Variants in PARVB observed in about 807,000 individuals in gnomAD.
PARVB encodes parvin beta, also known as beta-parvin.
Under a neutral mutation model 47.0 loss-of-function variants are expected in PARVB, and 46 were observed. That is an observed-to-expected ratio of 0.98 (90% confidence interval 0.77 to 1.25). The LOEUF is 1.25. Among genes scored for constraint, PARVB ranks in the 50% most tolerant of loss-of-function variants. The probability of loss-of-function intolerance (pLI) is 0.00; values close to 1 mark genes in which losing one functional copy is unlikely to be tolerated. For synonymous variants in PARVB, 196 were observed against 196.3 expected (o/e 1.00, Z 0.01); for missense variants, 473 against 471.6 (o/e 1.00, Z -0.03).
chr22:44,019,126 A>G (rs1161667329), intron 2 of PARVB, among the ~76,000 whole-genome samples: 1 of 152,134 alleles, frequency 6.6e-6, no homozygotes, highest in Non-Finnish European at 1.5e-5. Flanking sequence ...CATGTTGGCC[A>G]GGCTGGTCTC....
At chr22:44,102,409 T>G (rs1029699739) in intron 3 of PARVB, among the ~76,000 whole-genome samples, 1 of 152,216 alleles carries the variant, frequency 6.6e-6, no homozygotes, top group Admixed American at 6.5e-5. Context: ...AACCATCCCA[T>G]GCACCTTTCT....
At chr22:44,136,548 G>A in intron 7 of PARVB, 30 bp downstream of exon 7, 1 of 1,597,468 alleles carries the variant, frequency 6.3e-7, no homozygotes, top group Non-Finnish European at 8.6e-7. Context: ...GCCCTTCCAG[G>A]CCCTGCTGCC....
chr22:44,062,171 C>A (rs1281909574), intron 1 of PARVB, among the ~76,000 whole-genome samples: 1 of 152,182 alleles, frequency 6.6e-6, no homozygotes, highest in Non-Finnish European at 1.5e-5. Context: ...CCGCACCTGG[C>A]AGTTCTCCAG....
rs1305663113 is a variant in PARVB at position 44,024,459 on chromosome 22, C to T, written c.112+8C>T. 3.5e-6 allele frequency: 4 copies of T among 1,144,054 alleles called. No individual in the cohort carries two copies. The highest frequency in any genetic ancestry group is 1.0e-4 in the Admixed American group (2 of 19,948). The allele number at this position is 1,144,054 out of a possible 1,614,324, so 70.9% of individuals were successfully genotyped here. A position where few individuals can be genotyped will look rare whatever the true frequency, so the allele number is the denominator to read the frequency against. On this transcript the variant is annotated splice_region_variant and intron_variant, in intron 1 of 12. Coordinates refer to ENST00000338758, the MANE Select transcript of PARVB (RefSeq NM_013327.5). ...AGCGGAGGGCGCGCGAGGGTGAGTG[C>T]GCGCCCGCGCCCGCCGACCCCCGGG...
In PARVB at chr22:44,075,560, A is replaced by G. The variant is rs559499474; in HGVS notation, c.113-18368A>G. ...TAAGGACAGGGACCCCCATGGTAGC[A>G]GTGACACTGCCCTGAGATCCCCGTG... On this transcript the variant is annotated intron_variant, in intron 1 of 12. Coordinates refer to ENST00000338758, the MANE Select transcript of PARVB (RefSeq NM_013327.5). Among the ~76,000 whole-genome samples, 135 of 152,290 alleles carry G rather than the reference A, an allele frequency of 8.9e-4. 1 individual carries two copies. Among genetic ancestry groups the G allele is most frequent in the Admixed American group, 1.5e-3 (23 of 15,298 alleles).
At chr22:44,081,986 G>C (rs1223365857) in intron 1 of PARVB, among the ~76,000 whole-genome samples, 1 of 152,220 alleles carries the variant, frequency 6.6e-6, no homozygotes, top group South Asian at 2.1e-4. Flanking sequence ...AAATCACAGA[G>C]GCAGAGGCTT....
chr22:44,156,837 CAGAG>C (rs1250296995), intron 10 of PARVB, among the ~76,000 whole-genome samples: 2 of 151,846 alleles, frequency 1.3e-5, no homozygotes, highest in Non-Finnish European at 2.9e-5. Context: ...TTCATAGAGA[CAGAG>C]AGCAGAATGA....
chr22:44,151,310 C>A (rs1391903561), intron 9 of PARVB, 173 bp from the exon 10 acceptor site: 1 of 579,628 alleles, frequency 1.7e-6, no homozygotes, highest in East Asian at 2.9e-5. Flanking sequence ...GCCATGAAAA[C>A]TAGGGGCTAC....
chr22:44,127,845 G>A (rs1429627411), intron 4 of PARVB, among the ~76,000 whole-genome samples: 2 of 131,044 alleles, frequency 1.5e-5, no homozygotes, highest in Non-Finnish European at 3.3e-5. Flanking sequence ...GAGTGCAGTG[G>A]CGTGATCACA....
chr22:44,133,061 ATCT>A, intron 6 of PARVB, 52 bp downstream of exon 6: 4 of 1,261,928 alleles, frequency 3.2e-6, no homozygotes, highest in Non-Finnish European at 4.6e-6. Context: ...GAGAGGCAAC[ATCT>A]TCCTCCTGCA....
intron 1 of PARVB, among the ~76,000 whole-genome samples, chr22:44,025,816 C>T (rs573935862): frequency 8.5e-5 from 13 of 152,322 alleles, no homozygotes; most frequent in African/African-American, 4.8e-5. Context: ...ATTATAGACG[C>T]AAGTGACGCT....
intron 1 of PARVB, among the ~76,000 whole-genome samples, chr22:44,031,025 T>C (rs1417215768): frequency 6.6e-6 from 1 of 152,058 alleles, no homozygotes; most frequent in Non-Finnish European, 1.5e-5. Flanking sequence ...GAGGTCCTAT[T>C]TGGAGCTGTT....
At chr22:44,102,454 G>C (rs2052471265) in intron 3 of PARVB, among the ~76,000 whole-genome samples, 1 of 152,138 alleles carries the variant, frequency 6.6e-6, no homozygotes. Flanking sequence ...AGCAATGCTT[G>C]AGAGTTCACA....
intron 11 of PARVB, among the ~76,000 whole-genome samples, chr22:44,163,348 C>T (rs892289520): frequency 1.3e-5 from 2 of 152,104 alleles, no homozygotes; most frequent in African/African-American, 4.8e-5. Flanking sequence ...CACAGTGATG[C>T]GTGCCTGTAG....
At chr22:44,053,276 G>T (rs1378410645) in intron 1 of PARVB, among the ~76,000 whole-genome samples, 1 of 152,028 alleles carries the variant, frequency 6.6e-6, no homozygotes, top group Non-Finnish European at 1.5e-5. Flanking sequence ...TAGAGACAGG[G>T]TTTCACCATG....
At chr22:44,028,942 A>G (rs533317043) in intron 1 of PARVB, among the ~76,000 whole-genome samples, 8 of 152,242 alleles carry the variant, frequency 5.3e-5, no homozygotes, top group African/African-American at 1.9e-4. Flanking sequence ...TCTTCAGTGA[A>G]GTGTCTATTA....
chr22:44,093,824 C>A, intron 1 of PARVB, 104 bp from the exon 2 acceptor site: 1 of 700,752 alleles, frequency 1.4e-6, no homozygotes, highest in Non-Finnish European at 2.5e-6. Context: ...TTGTTAAATG[C>A]TGAAAAAAAC....
At chr22:44,164,867 C>A (rs115143174) in intron 12 of PARVB, among the ~76,000 whole-genome samples, 2 of 152,204 alleles carry the variant, frequency 1.3e-5, no homozygotes, top group Non-Finnish European at 2.9e-5. Context: ...TCCATCTACC[C>A]ACTGCAGCCA....
chr22:44,016,416 T>A (rs1256021179), intron 2 of PARVB, among the ~76,000 whole-genome samples: 1 of 152,176 alleles, frequency 6.6e-6, no homozygotes, highest in Non-Finnish European at 1.5e-5. Flanking sequence ...CTTTCACCTA[T>A]TAACTTCCAC....
Sources: gnomAD v4.1 joint callset for allele counts (sites outside exome capture counted in the v4.1 genomes callset) on GRCh38, gnomAD v4.1.1 for gene constraint, MANE v1.5 for transcripts, NCBI Gene and HGNC (gene_info 2026-07-23, HGNC 2026-07-21) for gene names.